TIMP2: variants seen among roughly 807,000 people sequenced by gnomAD.
TIMP2 encodes TIMP metallopeptidase inhibitor 2.
TIMP2 carries 5 observed loss-of-function variants against 24.3 expected under a neutral mutation model. The observed-to-expected ratio is 0.21, with a 90% CI of 0.11 to 0.43. The LOEUF (loss-of-function observed/expected upper bound fraction) is 0.43, where lower values mean the gene tolerates loss of function less well. Ranked by LOEUF, TIMP2 falls within the 20% of genes least tolerant of loss-of-function variation. The pLI, the probability that TIMP2 is intolerant of heterozygous loss-of-function variation, is 1.00. For missense variants in TIMP2, 221 were observed against 297.5 expected, an observed-to-expected ratio of 0.74 and a Z score of 1.89; for synonymous variants, 130 against 123.2, an observed-to-expected ratio of 1.06 and a Z score of -0.37.
chr17:78,867,895 G>A lies in TIMP2; in HGVS notation c.340+3003C>T, dbSNP rs149462699. 6.7e-3 allele frequency among the ~76,000 whole-genome samples: 1,014 copies of A among 152,106 alleles called. 6 individuals carry two copies. Among genetic ancestry groups the A allele is most frequent in the African/African-American group, 0.023 (934 of 41,492 alleles). ...ATTACAGGCGTGAGCCACCTCGCCC[G>A]GCCCCTTTTGCACCTTCTAAGCATT... On this transcript the variant is annotated intron_variant, in intron 3 of 4. Transcript: ENST00000262768.
chr17:78,918,070 A>ACACGCGCG (rs1555652961), intron 1 of TIMP2, among the ~76,000 whole-genome samples: 2 of 133,050 alleles, frequency 1.5e-5, no homozygotes, highest in African/African-American at 6.5e-5. Context: ...ACACAAACAC[A>ACACGCGCG]CACACACACA....
intron 1 of TIMP2, among the ~76,000 whole-genome samples, chr17:78,908,251 T>C (rs1246820886): frequency 1.3e-5 from 2 of 152,160 alleles, no homozygotes; most frequent in Non-Finnish European, 2.9e-5. Context: ...AACGTTTCCG[T>C]AAGATAAGCA....
chr17:78,915,941 A>C (rs1568008714), intron 1 of TIMP2, among the ~76,000 whole-genome samples: 1 of 152,214 alleles, frequency 6.6e-6, no homozygotes, highest in African/African-American at 2.4e-5. Flanking sequence ...AGGGAAGGAA[A>C]TGGGTTGACA....
Position 78,891,127 on chromosome 17 carries a change from G to T in TIMP2, c.131-17208C>A. The T allele has an allele frequency of 6.4e-7, 1 of 1,550,720 alleles. No homozygotes were observed. The highest frequency in any genetic ancestry group is 8.7e-7 in the Non-Finnish European group (1 of 1,147,030). On this transcript the variant is annotated intron_variant, in intron 1 of 4. Transcript: ENST00000262768. The surrounding 1 kb of genome is among the most constrained non-coding windows in gnomAD (Gnocchi z 4.5). ...TGCTATACAATAATGAGTCCTCTTT[G>T]TTGATAAATATACCTGCCTCGGGAG...
chr17:78,855,740 C>A lies in TIMP2; in HGVS notation c.590G>T (p.Ser197Ile). Residue 197 changes from serine (S) to isoleucine (I), a missense_variant, in exon 5 of 5, where the codon AGT (serine) becomes ATT (isoleucine). Physicochemically the swap from Ser to Ile is moderately radical, Grantham distance 142 (BLOSUM62 -2). Transcript: ENST00000262768. The surrounding 1 kb of genome is among the most constrained non-coding windows in gnomAD (Gnocchi z 6.0). Reference sequence around the variant, plus strand: ...GCGGTACCACGCACAGGAGCCGTCACTTCTCTTGATGCAGGCGAAGAACTT... The same window carrying A: ...GCGGTACCACGCACAGGAGCCGTCAATTCTCTTGATGCAGGCGAAGAACTT... ...QAKFFACIKR[S>I]DGSCAWYRGA... The A allele has an allele frequency of 6.2e-7, 1 of 1,614,224 alleles. No homozygotes were observed. Among genetic ancestry groups the A allele is most frequent in the Non-Finnish European group, 8.5e-7 (1 of 1,180,044 alleles).
intron 1 of TIMP2, among the ~76,000 whole-genome samples, chr17:78,881,274 G>A (rs1013344442): frequency 1.3e-5 from 2 of 152,188 alleles, no homozygotes; most frequent in Non-Finnish European, 2.9e-5. Flanking sequence ...CAGGGAAAGC[G>A]CCTCCTTCCC....
intron 1 of TIMP2, chr17:78,890,861 G>A (rs1193836110): frequency 2.6e-6 from 4 of 1,550,516 alleles, no homozygotes; most frequent in Non-Finnish European, 3.5e-6. Context: ...GGCCAGTCGA[G>A]CTCTTCTTTG....
At chr17:78,862,710 C>A (rs1200874005) in intron 3 of TIMP2, among the ~76,000 whole-genome samples, 1 of 152,246 alleles carries the variant, frequency 6.6e-6, no homozygotes, top group South Asian at 2.1e-4. Flanking sequence ...TATCCTGCTT[C>A]CTCCCTCCCA....
intron 1 of TIMP2, among the ~76,000 whole-genome samples, chr17:78,890,291 T>A (rs2069868780): frequency 1.4e-5 from 2 of 148,094 alleles, no homozygotes; most frequent in South Asian, 4.3e-4. Flanking sequence ...AACCTCCGCC[T>A]CCCAGGTTCA....
At chr17:78,864,835 T>G (rs2069596421) in intron 3 of TIMP2, among the ~76,000 whole-genome samples, 1 of 152,078 alleles carries the variant, frequency 6.6e-6, no homozygotes, top group Non-Finnish European at 1.5e-5. Flanking sequence ...GCGGATCACC[T>G]GAGGTCAGGA....
chr17:78,920,116 G>A lies in TIMP2; in HGVS notation c.130+4843C>T, dbSNP rs897424802. On this transcript the variant is annotated intron_variant, in intron 1 of 4. Transcript: ENST00000262768. The surrounding 1 kb of genome is among the most constrained non-coding windows in gnomAD (Gnocchi z 4.5). The stretch of plus-strand genomic sequence containing the variant: ...CCCTACACACGACCCCCACTGCATC[G>A]AGTCAGTGGTTCTGCATCAGGACTG... Among the ~76,000 whole-genome samples, 17 of 152,180 alleles carry A rather than the reference G, an allele frequency of 1.1e-4. No individual in the cohort carries two copies. Among genetic ancestry groups the A allele is most frequent in the Non-Finnish European group, 1.8e-4 (12 of 68,028 alleles).
chr17:78,881,791 G>C (rs2069782653), intron 1 of TIMP2, among the ~76,000 whole-genome samples: 1 of 152,348 alleles, frequency 6.6e-6, no homozygotes, highest in Admixed American at 6.5e-5. Context: ...AAACTCTCCA[G>C]AAAAGTGGGG....
In TIMP2 at chr17:78,902,359, C is replaced by T. The variant is rs977601673; in HGVS notation, c.130+22600G>A. The stretch of plus-strand genomic sequence containing the variant: ...CTGACCTCAGGTGATCCACTCGCCT[C>T]GGCCTCCCAAAGTGCTGGGATTCCA... On this transcript the variant is annotated intron_variant, in intron 1 of 4. Coordinates refer to ENST00000262768, the MANE Select transcript of TIMP2 (RefSeq NM_003255.5). 5.3e-5 allele frequency among the ~76,000 whole-genome samples: 8 copies of T among 152,338 alleles called. 1 individual carries two copies. Among genetic ancestry groups the T allele is most frequent in the African/African-American group, 2.4e-5 (1 of 41,586 alleles).
intron 3 of TIMP2, among the ~76,000 whole-genome samples, chr17:78,859,395 C>T (rs2069550662): frequency 6.6e-6 from 1 of 152,238 alleles, no homozygotes; most frequent in Admixed American, 6.5e-5. Context: ...TGCGATGGCT[C>T]ATGCCTGTAA....
chr17:78,911,476 G>A (rs1213880962), intron 1 of TIMP2, among the ~76,000 whole-genome samples: 2 of 151,966 alleles, frequency 1.3e-5, no homozygotes, highest in African/African-American at 4.8e-5. Context: ...TGTCACCCAC[G>A]CTGGAGTGCA....
At chr17:78,910,175 C>A (rs1309565958) in intron 1 of TIMP2, among the ~76,000 whole-genome samples, 1 of 151,492 alleles carries the variant, frequency 6.6e-6, no homozygotes, top group African/African-American at 2.4e-5. Context: ...ATACAATATA[C>A]TTTTGTTAAT....
intron 2 of TIMP2, among the ~76,000 whole-genome samples, chr17:78,872,025 T>C (rs1465000693): frequency 6.6e-6 from 1 of 151,980 alleles, no homozygotes; most frequent in African/African-American, 2.4e-5. Flanking sequence ...ATTTTTTATT[T>C]TTTTGAGATA....
At position 78,873,990 on chromosome 17, in the gene TIMP2, G is replaced by T; in HGVS notation, c.131-71C>A. On this transcript the variant is annotated intron_variant, in intron 1 of 4. Transcript: ENST00000262768. ...CTCCTGGGGCTAAGGAGAGGGATAA[G>T]ACGTCCAGGCCTGCGGGAGGTGCTG... 3 of 1,438,666 alleles carry T rather than the reference G, an allele frequency of 2.1e-6. No homozygotes were observed. The South Asian group carries it at 3.4e-5, about 17-fold the overall frequency. 89.1% of individuals were successfully genotyped at this position (1,438,666 alleles called of 1,614,324 possible). A position where few individuals can be genotyped will look rare whatever the true frequency, so the allele number is the denominator to read the frequency against.
Position 78,893,472 on chromosome 17 carries a change from T to G in TIMP2, c.131-19553A>C, listed in dbSNP as rs577009392. On this transcript the variant is annotated intron_variant, in intron 1 of 4. Transcript: ENST00000262768. The stretch of plus-strand genomic sequence containing the variant: ...CTGTGTGTGCAGGGGTGTGTGTGCA[T>G]AGCGGTGTGTGTGCAGGGGTGTGTG... 5.6e-5 allele frequency among the ~76,000 whole-genome samples: 8 copies of G among 144,076 alleles called. No homozygotes were observed. In the South Asian group the frequency reaches 1.6e-3, roughly 28 times the overall value. The allele number at this position is 144,076 out of a possible 152,430, so 94.5% of individuals were successfully genotyped here. A position where few individuals can be genotyped will look rare whatever the true frequency, so the allele number is the denominator to read the frequency against.
Sources: gnomAD v4.1 joint callset for allele counts (sites outside exome capture counted in the v4.1 genomes callset) on GRCh38, gnomAD v4.1.1 for gene constraint, Gnocchi (gnomAD v3.1) non-coding constraint, MANE v1.5 for transcripts, NCBI Gene and HGNC (gene_info 2026-07-23, HGNC 2026-07-21) for gene names.